The following TMEM87B variants were observed in gnomAD, a reference collection of about 807,000 sequenced individuals.
TMEM87B encodes the protein transmembrane protein 87B.
A neutral mutation model predicts 80.3 loss-of-function variants in TMEM87B; 83 were observed. That is an observed-to-expected ratio of 1.03 (90% CI 0.87 to 1.24). The LOEUF is 1.24. Among genes scored for constraint, TMEM87B ranks in the 50% most tolerant of loss-of-function variants. TMEM87B has a pLI of 0.00. For synonymous variants in TMEM87B, 219 were observed against 230.5 expected (o/e 0.95, Z 0.45); for missense variants, 625 against 674.4 (o/e 0.93, Z 0.81).
Position 112,109,409 on chromosome 2 carries a change from T to C in TMEM87B, c.1577+1569T>C, listed in dbSNP as rs533076960. Among the ~76,000 whole-genome samples, 132 of 152,296 alleles carry C rather than the reference T, an allele frequency of 8.7e-4. 2 individuals are homozygous for C. The highest frequency in any genetic ancestry group is 3.1e-3 in the African/African-American group (128 of 41,592). On this transcript the variant is annotated intron_variant, in intron 17 of 18. Transcript: ENST00000283206. Reference sequence around the variant, plus strand: ...CAACAAATTCTCTCAATTTTATTTATGTGAAAATGTATTTACTTTTCCTTC... The same window carrying C: ...CAACAAATTCTCTCAATTTTATTTACGTGAAAATGTATTTACTTTTCCTTC...
chr2:112,113,284 TG>T lies in TMEM87B; in HGVS notation c.1608+357del, dbSNP rs530593852. Among the ~76,000 whole-genome samples, 331 of 152,330 alleles carry T rather than the reference TG, an allele frequency of 2.2e-3. 1 individual carries two copies. The highest frequency in any genetic ancestry group is 7.8e-3 in the African/African-American group (324 of 41,568). ...ATTTTCATTTACTAAGCAGGAAATT[TG>T]GATAGAGGATGTGGATTTAGGAAAG... On this transcript the variant is annotated intron_variant, in intron 18 of 18. Transcript: ENST00000283206.
In TMEM87B at chr2:112,081,122, A is replaced by G. The variant is rs979034955; in HGVS notation, c.654+4A>G. On this transcript the variant is annotated splice_donor_region_variant and intron_variant, in intron 7 of 18. Coordinates refer to ENST00000283206, the MANE Select transcript of TMEM87B (RefSeq NM_032824.3). The stretch of plus-strand genomic sequence containing the variant: ...ATCAGATTGGCCCCTAATGATTGTG[A>G]GTATTTCTCATCATTTTTTCCTTTT... 3 of 1,611,694 alleles carry G rather than the reference A, an allele frequency of 1.9e-6. No homozygotes were observed. The highest frequency in any genetic ancestry group is 1.7e-6 in the Non-Finnish European group (2 of 1,179,378).
chr2:112,061,327 A>G (rs1488693700), intron 2 of TMEM87B, among the ~76,000 whole-genome samples: 1 of 152,220 alleles, frequency 6.6e-6, no homozygotes, highest in Non-Finnish European at 1.5e-5. Flanking sequence ...TTTGCTGGGT[A>G]GAGCAAACTG....
At chr2:112,109,924 AC>A (rs1271174737) in intron 17 of TMEM87B, among the ~76,000 whole-genome samples, 2 of 151,080 alleles carry the variant, frequency 1.3e-5, no homozygotes, top group Non-Finnish European at 3.0e-5. Flanking sequence ...GCGCCACCAC[AC>A]CCAGCTAATT....
chr2:112,065,776 T>A (rs748626779), intron 3 of TMEM87B, among the ~76,000 whole-genome samples: 2 of 152,152 alleles, frequency 1.3e-5, no homozygotes, highest in Non-Finnish European at 2.9e-5. Context: ...TCATTTCCTT[T>A]CCTTGTTTTT....
At chr2:112,066,709 T>G (rs1678447602) in intron 3 of TMEM87B, among the ~76,000 whole-genome samples, 1 of 152,254 alleles carries the variant, frequency 6.6e-6, no homozygotes, top group African/African-American at 2.4e-5. Flanking sequence ...GCTTGTGTTA[T>G]GTATTACTGT....
In TMEM87B at chr2:112,107,768, A is replaced by G. The variant is rs374485651; in HGVS notation, c.1525-20A>G. 6.7e-7 allele frequency: 1 copy of G among 1,503,226 alleles called. No individual in the cohort carries two copies. The highest frequency in any genetic ancestry group is 9.1e-7 in the Non-Finnish European group (1 of 1,096,846). The allele number at this position is 1,503,226 out of a possible 1,614,324, so 93.1% of individuals were successfully genotyped here. ...TGTCAGGTGATATTAAGCAAATGCT[A>G]AGTATAAATATTTCTACAGGATGAA... On this transcript the variant is annotated intron_variant, in intron 16 of 18. Transcript: ENST00000283206.
Position 112,064,189 on chromosome 2 carries a change from T to G in TMEM87B, c.254T>G (p.Val85Gly), listed in dbSNP as rs767740398. The change falls in exon 3 of 19, where the codon GTG becomes GGG. Residue 85 changes from valine to glycine, a missense_variant. Val to Gly is a moderately radical substitution (Grantham distance 109). Transcript: ENST00000283206. ...AAGTCATTCCATTGTTCTGGGCCTG[T>G]GAAGTTTACCATAGTGTGGCATTTG... ...SVKSFHCSGP[V>G]KFTIVWHLKY... The G allele has an allele frequency of 1.2e-6, 2 of 1,613,864 alleles. No homozygotes were observed. Among genetic ancestry groups the G allele is most frequent in the Non-Finnish European group, 1.7e-6 (2 of 1,179,882 alleles).
At chr2:112,097,453 G>A (rs945813692) in intron 13 of TMEM87B, among the ~76,000 whole-genome samples, 162 bp downstream of exon 13, 7 of 152,144 alleles carry the variant, frequency 4.6e-5, no homozygotes, top group Admixed American at 4.6e-4. Flanking sequence ...TTGGCTGGGC[G>A]CGGTGGCTCA....
intron 16 of TMEM87B, 48 bp downstream of exon 16, chr2:112,106,123 A>G: frequency 1.6e-6 from 2 of 1,237,152 alleles, no homozygotes; most frequent in Non-Finnish European, 2.2e-6. Context: ...CTTAGTCTTC[A>G]CTACTTTAGA....
rs562831262 is a variant in TMEM87B at position 112,085,133 on chromosome 2, T to G, written c.839-872T>G. Among the ~76,000 whole-genome samples, 17 of 152,364 alleles carry G rather than the reference T, an allele frequency of 1.1e-4. 1 individual carries two copies. The South Asian group carries it at 3.3e-3, about 30-fold the overall frequency. On this transcript the variant is annotated intron_variant, in intron 8 of 18. Transcript: ENST00000283206. ...TCCTTTGTTCTTTTGTTTATTGTTA[T>G]TGACTTCCCACTGCCCTTAACATCG...
chr2:112,070,915 G>A lies in TMEM87B; in HGVS notation c.450+3848G>A, dbSNP rs564504628. Reference sequence around the variant, plus strand: ...CCACTCACTGCAACCTCCACCTCCCGGGTTCATGCCATTCTCCTGCCTCAG... The same window carrying A: ...CCACTCACTGCAACCTCCACCTCCCAGGTTCATGCCATTCTCCTGCCTCAG... On this transcript the variant is annotated intron_variant, in intron 4 of 18. Transcript: ENST00000283206. Among the ~76,000 whole-genome samples, 5 of 150,598 alleles carry A rather than the reference G, an allele frequency of 3.3e-5. No individual in the cohort carries two copies. In the East Asian group the frequency reaches 7.8e-4, roughly 24 times the overall value.
intron 15 of TMEM87B, among the ~76,000 whole-genome samples, chr2:112,105,689 TC>T (rs1169660872): frequency 6.6e-6 from 1 of 152,204 alleles, no homozygotes; most frequent in East Asian, 1.9e-4. Context: ...GATTTTTAAA[TC>T]CATAAACTTT....
chr2:112,073,126 G>A lies in TMEM87B; in HGVS notation c.451-1786G>A, dbSNP rs375909495. On this transcript the variant is annotated intron_variant, in intron 4 of 18. Transcript: ENST00000283206. ...TGTTGGCCAGGCTGGTCTCGAACTC[G>A]TGACCTCAGATGATCCACCCGCCTC... Among the ~76,000 whole-genome samples, 25 of 151,890 alleles carry A rather than the reference G, an allele frequency of 1.6e-4. No individual in the cohort carries two copies. The East Asian group carries it at 4.1e-3, about 25-fold the overall frequency.
chr2:112,090,379 ATTGGTTGGTTGGTTGGTTGG>A (rs139232840), intron 10 of TMEM87B, among the ~76,000 whole-genome samples: 11 of 150,112 alleles, frequency 7.3e-5, no homozygotes, highest in East Asian at 2.0e-4. Context: ...TCATTGGTTG[ATTGGTTGGTTGGTTGGTTGG>A]TTGGTTGGTT....
At chr2:112,113,008 A>C in intron 18 of TMEM87B, 79 bp downstream of exon 18, 1 of 1,331,416 alleles carries the variant, frequency 7.5e-7, no homozygotes, top group Non-Finnish European at 1.1e-6. Flanking sequence ...AAGTTCTGAA[A>C]GCTACTTTTT....
At chr2:112,069,697 A>G (rs1678566323) in intron 4 of TMEM87B, among the ~76,000 whole-genome samples, 1 of 152,220 alleles carries the variant, frequency 6.6e-6, no homozygotes, top group Non-Finnish European at 1.5e-5. Flanking sequence ...CAGTAATGGA[A>G]GTACTGTGTC....
At chr2:112,107,016 G>A (rs965064384) in intron 16 of TMEM87B, among the ~76,000 whole-genome samples, 7 of 152,174 alleles carry the variant, frequency 4.6e-5, no homozygotes, top group Admixed American at 2.0e-4. Context: ...CCTCCTGTAG[G>A]GAGATGAGCA....
intron 10 of TMEM87B, among the ~76,000 whole-genome samples, chr2:112,091,507 T>C (rs1334814834): frequency 1.3e-5 from 2 of 151,240 alleles, no homozygotes; most frequent in African/African-American, 2.5e-5. Context: ...TTTATGTTGC[T>C]ATCATCACAT....
Sources: gnomAD v4.1 joint callset for allele counts (sites outside exome capture counted in the v4.1 genomes callset) on GRCh38, gnomAD v4.1.1 for gene constraint, MANE v1.5 for transcripts, NCBI Gene and HGNC (gene_info 2026-07-23, HGNC 2026-07-21) for gene names.